WDR72: variants seen among roughly 807,000 people sequenced by gnomAD.
WDR72 encodes the protein WD repeat domain 72.
WDR72 carries 120 observed loss-of-function variants against 124.2 expected under a neutral mutation model. The observed-to-expected ratio is 0.97, with a 90% CI of 0.83 to 1.12. WDR72 has a LOEUF of 1.12. Ranked by LOEUF, WDR72 falls within the 50% of genes most tolerant of loss-of-function variation. The probability of loss-of-function intolerance (pLI) is 0.00; values close to 1 mark genes in which losing one functional copy is unlikely to be tolerated. For synonymous variants in WDR72, 452 were observed against 441.7 expected, an observed-to-expected ratio of 1.02 and a Z score of -0.29; for missense variants, 1,387 against 1,278.8, an observed-to-expected ratio of 1.08 and a Z score of -1.29.
rs114202784 is a variant in WDR72, at chr15:53,673,487, T to G, written c.1766-7719A>C. Among the ~76,000 whole-genome samples, 322 of 152,308 alleles carry G rather than the reference T, an allele frequency of 2.1e-3. 2 individuals carry two copies. The highest frequency in any genetic ancestry group is 7.5e-3 in the African/African-American group (313 of 41,560). ...TAAATACATTTGAGACTAATTGACT[T>G]ACTATAACTCATGGTGTCTTTCCAA... is the stretch of plus-strand genomic sequence containing the variant. On this transcript the variant is annotated intron_variant, in intron 13 of 19. Transcript: ENST00000360509.
intron 14 of WDR72, among the ~76,000 whole-genome samples, chr15:53,652,794 T>G (rs2015287639): frequency 6.6e-6 from 1 of 152,216 alleles, no homozygotes; most frequent in Non-Finnish European, 1.5e-5. Context: ...TTAACCACAT[T>G]GCCTCTTAAT....
chr15:53,692,111 C>T (rs2016864321), intron 13 of WDR72, among the ~76,000 whole-genome samples: 1 of 152,170 alleles, frequency 6.6e-6, no homozygotes, highest in African/African-American at 2.4e-5. Flanking sequence ...GTGCACTGTG[C>T]TATGGGAACA....
At chr15:53,611,146 T>C (rs2013522724) in intron 16 of WDR72, among the ~76,000 whole-genome samples, 1 of 152,166 alleles carries the variant, frequency 6.6e-6, no homozygotes, top group East Asian at 1.9e-4. Context: ...AACAACGTTT[T>C]AGATGAGCAC....
At chr15:53,723,953 C>A (rs532989915) in intron 2 of WDR72, among the ~76,000 whole-genome samples, 149 of 152,236 alleles carry the variant, frequency 9.8e-4, no homozygotes, top group African/African-American at 3.5e-3. Flanking sequence ...ACTGTATACA[C>A]AATGGAATAG....
At chr15:53,585,281 G>A (rs1415254345) in intron 18 of WDR72, among the ~76,000 whole-genome samples, 1 of 151,952 alleles carries the variant, frequency 6.6e-6, no homozygotes, top group Non-Finnish European at 1.5e-5. Context: ...TTTACAAGGC[G>A]GCAGGAGAGA....
At position 53,514,074 on chromosome 15, in the gene WDR72, C is replaced by G. The variant is rs755974718; in HGVS notation, c.*3625G>C. 1.3e-5 allele frequency: 2 copies of G among 152,142 alleles called. No homozygotes were observed. The highest frequency in any genetic ancestry group is 2.9e-5 in the Non-Finnish European group (2 of 68,024). 9.4% of individuals were successfully genotyped at this position (152,142 alleles called of 1,614,324 possible). A position where few individuals can be genotyped will look rare whatever the true frequency, so the allele number is the denominator to read the frequency against. Reference sequence around the variant, plus strand: ...TGTACATGAAGCCATGCAGCTTTGTCTGAAAGATACCTACTCAAGTAAGTT... The same window carrying G: ...TGTACATGAAGCCATGCAGCTTTGTGTGAAAGATACCTACTCAAGTAAGTT... On this transcript the variant is annotated 3_prime_UTR_variant, in exon 20 of 20. Coordinates refer to ENST00000360509, the MANE Select transcript of WDR72 (RefSeq NM_182758.4).
At chr15:53,711,535 A>T in intron 7 of WDR72, 54 bp from the exon 8 acceptor site, 2 of 1,565,638 alleles carry the variant, frequency 1.3e-6, no homozygotes, top group Non-Finnish European at 1.8e-6. Flanking sequence ...GTCTGCCAAT[A>T]AGATGAATAT....
At chr15:53,646,432 G>C (rs1378940957) in intron 14 of WDR72, among the ~76,000 whole-genome samples, 2 of 152,010 alleles carry the variant, frequency 1.3e-5, no homozygotes, top group African/African-American at 4.8e-5. Context: ...TGGATTTAGA[G>C]GTAAACAAAC....
chr15:53,746,280 G>A (rs2018642113), intron 1 of WDR72, among the ~76,000 whole-genome samples: 1 of 152,084 alleles, frequency 6.6e-6, no homozygotes. Context: ...TTTTGTGGGT[G>A]GTGTCTACTG....
At chr15:53,677,393 T>C (rs1483094372) in intron 13 of WDR72, among the ~76,000 whole-genome samples, 1 of 152,214 alleles carries the variant, frequency 6.6e-6, no homozygotes, top group Non-Finnish European at 1.5e-5. Context: ...TCCACAATCA[T>C]ATGCCACATC....
chr15:53,735,367 G>A (rs1467764668), intron 1 of WDR72, among the ~76,000 whole-genome samples: 2 of 152,130 alleles, frequency 1.3e-5, no homozygotes, highest in African/African-American at 4.8e-5. Flanking sequence ...AACGTACAAT[G>A]GAAAACAGTT....
intron 18 of WDR72, among the ~76,000 whole-genome samples, chr15:53,567,463 C>G (rs374709036): frequency 2.0e-5 from 3 of 151,924 alleles, no homozygotes; most frequent in Non-Finnish European, 2.9e-5. Context: ...AACAAAAAAC[C>G]CTGTTTTTCA....
At chr15:53,544,911 A>G (rs1330006884) in intron 18 of WDR72, among the ~76,000 whole-genome samples, 1 of 150,468 alleles carries the variant, frequency 6.6e-6, no homozygotes, top group Admixed American at 6.6e-5. Flanking sequence ...TCCCATTCAC[A>G]ATTGCTTCAA....
intron 3 of WDR72, among the ~76,000 whole-genome samples, chr15:53,718,493 A>G (rs1369212252): frequency 1.3e-5 from 2 of 152,116 alleles, no homozygotes; most frequent in African/African-American, 2.4e-5. Flanking sequence ...AAATCTGAAA[A>G]TAAAATGAAA....
chr15:53,707,891 A>T (rs1389470854), intron 9 of WDR72, among the ~76,000 whole-genome samples: 3 of 151,984 alleles, frequency 2.0e-5, no homozygotes, highest in Admixed American at 6.6e-5. Context: ...GATTGTTCCA[A>T]CTCCCTGGTT....
intron 1 of WDR72, among the ~76,000 whole-genome samples, chr15:53,752,305 C>T (rs2018794631): frequency 6.6e-6 from 1 of 152,084 alleles, no homozygotes; most frequent in Non-Finnish European, 1.5e-5. Flanking sequence ...CCAAGTATGA[C>T]CTTATTTGGA....
chr15:53,669,057 G>A (rs1399775839), intron 13 of WDR72, among the ~76,000 whole-genome samples: 1 of 147,386 alleles, frequency 6.8e-6, no homozygotes, highest in African/African-American at 2.5e-5. Flanking sequence ...AAGGGGAGGG[G>A]AAGGGGAAGA....
chr15:53,563,817 A>T (rs1894206307), intron 18 of WDR72, among the ~76,000 whole-genome samples: 1 of 151,800 alleles, frequency 6.6e-6, no homozygotes, highest in Non-Finnish European at 1.5e-5. Flanking sequence ...CTTTCCAATC[A>T]CTTAGGGATG....
chr15:53,600,938 G>A (rs1223911992), intron 17 of WDR72, among the ~76,000 whole-genome samples: 1 of 152,118 alleles, frequency 6.6e-6, no homozygotes, highest in Non-Finnish European at 1.5e-5. Context: ...TGTGTGAGGA[G>A]CAAAACAGAC....
Sources: allele counts gnomAD v4.1 joint callset (sites outside exome capture counted in the v4.1 genomes callset), GRCh38; gene constraint gnomAD v4.1.1; transcripts MANE v1.5; gene names NCBI Gene and HGNC (gene_info 2026-07-23, HGNC 2026-07-21).